Variants in ASGR2 observed in about 807,000 individuals in gnomAD.
ASGR2 encodes the protein asialoglycoprotein receptor 2, also known as C-type lectin domain family 4 member H2.
Under a neutral mutation model 32.3 loss-of-function variants are expected in ASGR2, and 34 were observed. The observed-to-expected ratio is 1.05, with a 90% confidence interval of 0.80 to 1.40. The LOEUF is 1.40. Among genes scored for constraint, ASGR2 ranks in the 40% most tolerant of loss-of-function variants. The pLI is 0.00. For missense variants in ASGR2, 385 were observed against 386.4 expected, an observed-to-expected ratio of 1.00 and a Z score of 0.03; for synonymous variants, 143 against 150.0, an observed-to-expected ratio of 0.95 and a Z score of 0.34.
In ASGR2 at chr17:7,101,459, T is replaced by G; in HGVS notation, c.*116A>C. The G allele has an allele frequency of 7.3e-7, 1 of 1,374,942 alleles. No homozygotes were observed. Among genetic ancestry groups the G allele is most frequent in the South Asian group, 1.5e-5 (1 of 67,694 alleles). 85.2% of individuals were successfully genotyped at this position (1,374,942 alleles called of 1,614,324 possible). ...TCTTAAACTACCTCCTTTCTCTCTT[T>G]GCTCAGCTCTTCCCCATACCCCTGT... is the stretch of plus-strand genomic sequence containing the variant. On this transcript the variant is annotated 3_prime_UTR_variant, in exon 9 of 9. Transcript: ENST00000691900.
chr17:7,115,082 TGACCAGGATCACAGC>T, upstream of ASGR2: 1 of 888,366 alleles, frequency 1.1e-6, no homozygotes, highest in Non-Finnish European at 1.3e-6. The surrounding 1 kb of genome is among the most constrained non-coding windows in gnomAD (Gnocchi z 4.2). Flanking sequence ...CAAATATCCC[TGACCAGGATCACAGC>T]GACCAGTTCT....
Position 7,107,281 on chromosome 17 carries a change from G to T in ASGR2, c.446C>A (p.Pro149His). ...GCAGGCCACGAAGCGCAGGTCCACG[G>T]GGAAGTGCTTCAGATGGAAGAGCAG... ...DALLFHLKHF[P>H]VDLRFVACQM... The change falls in exon 6 of 9, where the codon CCC (proline) becomes CAC (histidine). Residue 149 changes from proline (P) to histidine (H), a missense_variant. Pro to His is a moderately conservative substitution (Grantham distance 77, BLOSUM62 -2). Coordinates refer to ENST00000691900, the MANE Select transcript of ASGR2 (RefSeq NM_001201352.2). The surrounding 1 kb of genome is among the most constrained non-coding windows in gnomAD (Gnocchi z 5.0). 1.2e-6 allele frequency: 2 copies of T among 1,613,976 alleles called. No homozygotes were observed. The highest frequency in any genetic ancestry group is 1.7e-6 in the Non-Finnish European group (2 of 1,180,032).
chr17:7,106,883 G>A (rs561241462), intron 7 of ASGR2, 117 bp downstream of exon 7: 19 of 1,352,352 alleles, frequency 1.4e-5, no homozygotes, highest in African/African-American at 6.1e-5. Context: ...CAGCTTGGGC[G>A]ACAGAGCGAG....
At chr17:7,104,347 T>TCAAAAAAAAAAA (rs1913299348) in intron 7 of ASGR2, among the ~76,000 whole-genome samples, 1 of 37,346 alleles carries the variant, frequency 2.7e-5, no homozygotes, top group African/African-American at 1.1e-4. Flanking sequence ...AAACTCTGTC[T>TCAAAAAAAAAAA]TAAAAAAAAA....
At position 7,114,083 on chromosome 17, in the gene ASGR2, AGGG is replaced by A; in HGVS notation, c.124+31_124+33del. 6.2e-7 allele frequency: 1 copy of A among 1,613,116 alleles called. No individual in the cohort carries two copies. The highest frequency in any genetic ancestry group is 8.5e-7 in the Non-Finnish European group (1 of 1,179,564). On this transcript the variant is annotated intron_variant, in intron 2 of 8. Transcript: ENST00000691900. The surrounding 1 kb of genome is among the most constrained non-coding windows in gnomAD (Gnocchi z 4.5). ...ACAGAGCAATCATGAGCTGAGACAG[AGGG>A]GGAGCAAAGCCGCAGAAACTGCACA...
intron 8 of ASGR2, 85 bp from the exon 9 acceptor site, chr17:7,101,825 C>A: frequency 1.1e-5 from 16 of 1,522,712 alleles, no homozygotes; most frequent in Non-Finnish European, 1.4e-5. Context: ...GACCATTTTC[C>A]TTGAAGGCCG....
chr17:7,104,318 A>T (rs1913292169), intron 7 of ASGR2, among the ~76,000 whole-genome samples: 1 of 141,742 alleles, frequency 7.1e-6, no homozygotes, highest in South Asian at 2.4e-4. Flanking sequence ...ATTGCACTCC[A>T]GCCTGGTCAA....
chr17:7,113,812 A>G lies in ASGR2; in HGVS notation c.124+305T>C, dbSNP rs956309526. Among the ~76,000 whole-genome samples, 2 of 152,026 alleles carry G rather than the reference A, an allele frequency of 1.3e-5. No homozygotes were observed. The highest frequency in any genetic ancestry group is 4.8e-5 in the African/African-American group (2 of 41,404). On this transcript the variant is annotated intron_variant, in intron 2 of 8. Coordinates refer to ENST00000691900, the MANE Select transcript of ASGR2 (RefSeq NM_001201352.2). This position sits in a 1 kb window ranked among gnomAD's most constrained non-coding sequence, Gnocchi z 5.1. ...ACACAACATTCACTCACACACACAC[A>G]CAGAGTCCCAGCTGAATCTGCATTC... is the stretch of plus-strand genomic sequence containing the variant.
intron 7 of ASGR2, among the ~76,000 whole-genome samples, chr17:7,105,233 AC>A (rs150471554): frequency 0.085 from 12,938 of 152,208 alleles, 568 homozygotes; most frequent in African/African-American, 0.12. Flanking sequence ...AACACCTCTC[AC>A]ATAGCAATTG....
intron 7 of ASGR2, among the ~76,000 whole-genome samples, chr17:7,102,855 C>T (rs974084050): frequency 3.3e-5 from 5 of 152,134 alleles, no homozygotes; most frequent in Non-Finnish European, 5.9e-5. Flanking sequence ...ACAATCGGGG[C>T]AAAATAGGAA....
In ASGR2 at chr17:7,107,745, G is replaced by A. The variant is rs776373230; in HGVS notation, c.409+91C>T. ...CACACACACGCACGCACGCACACGT[G>A]CACACTACACACACCGCACACGTAC... On this transcript the variant is annotated intron_variant, in intron 5 of 8. Coordinates refer to ENST00000691900, the MANE Select transcript of ASGR2 (RefSeq NM_001201352.2). The surrounding 1 kb of genome is among the most constrained non-coding windows in gnomAD (Gnocchi z 5.0). 7.1e-6 allele frequency: 8 copies of A among 1,125,362 alleles called. No individual in the cohort carries two copies. Among genetic ancestry groups the A allele is most frequent in the South Asian group, 3.2e-5 (2 of 62,014 alleles). The allele number at this position is 1,125,362 out of a possible 1,614,324, so 69.7% of individuals were successfully genotyped here.
intron 2 of ASGR2, among the ~76,000 whole-genome samples, chr17:7,109,231 C>T (rs1914313209): frequency 1.3e-5 from 2 of 152,198 alleles, no homozygotes; most frequent in Admixed American, 6.5e-5. Flanking sequence ...CCCGGCCCTG[C>T]CTAGGCACAC....
chr17:7,106,387 G>A (rs1913691218), intron 7 of ASGR2, among the ~76,000 whole-genome samples: 1 of 152,208 alleles, frequency 6.6e-6, no homozygotes, highest in African/African-American at 2.4e-5. Flanking sequence ...AGCTTATTGT[G>A]TGCCAAATCA....
intron 7 of ASGR2, among the ~76,000 whole-genome samples, chr17:7,105,060 A>G (rs1264259800): frequency 6.6e-6 from 1 of 151,790 alleles, no homozygotes; most frequent in African/African-American, 2.4e-5. Flanking sequence ...TGGGAATAAG[A>G]GGTATCCTGG....
chr17:7,110,630 G>A (rs930484286), intron 2 of ASGR2, among the ~76,000 whole-genome samples: 5 of 152,180 alleles, frequency 3.3e-5, no homozygotes, highest in African/African-American at 9.7e-5. Context: ...GATCACAGTC[G>A]TAGCTACCCG....
chr17:7,108,475 T>G lies in ASGR2; in HGVS notation c.324A>C (p.Ala108=). The change falls in exon 4 of 9, where the codon GCA becomes GCC. Residue 108 remains alanine (A), a synonymous_variant. Transcript: ENST00000691900. This position sits in a 1 kb window ranked among gnomAD's most constrained non-coding sequence, Gnocchi z 4.9. ...CCAGCCCCTCACCGTGGGTGCTGAT[T>G]GCCTGGACCTCCGTCAGGGTGCTCG... ...FSSSTLTEVQ[A]ISTHGGSVGD... The G allele has an allele frequency of 1.9e-6, 3 of 1,605,118 alleles. No homozygotes were observed. Among genetic ancestry groups the G allele is most frequent in the Non-Finnish European group, 2.6e-6 (3 of 1,175,942 alleles).
At chr17:7,102,783 G>A (rs1349617758) in intron 7 of ASGR2, among the ~76,000 whole-genome samples, 1 of 152,112 alleles carries the variant, frequency 6.6e-6, no homozygotes, top group Non-Finnish European at 1.5e-5. Context: ...GTCAGGCCCG[G>A]GAGCTTCTAA....
At chr17:7,106,679 G>A (rs1480976729) in intron 7 of ASGR2, among the ~76,000 whole-genome samples, 1 of 152,066 alleles carries the variant, frequency 6.6e-6, no homozygotes, top group Non-Finnish European at 1.5e-5. Context: ...GGAGGTGGGC[G>A]GATCATGAGG....
intron 7 of ASGR2, among the ~76,000 whole-genome samples, chr17:7,105,806 T>TG (rs527696106): frequency 1.4e-5 from 2 of 139,762 alleles, no homozygotes; most frequent in African/African-American, 2.6e-5. Context: ...TTTTTTTTTT[T>TG]GAGTCAGAGT....
Sources: gnomAD v4.1 joint callset for allele counts (sites outside exome capture counted in the v4.1 genomes callset) on GRCh38, gnomAD v4.1.1 for gene constraint, Gnocchi (gnomAD v3.1) non-coding constraint, MANE v1.5 for transcripts, NCBI Gene and HGNC (gene_info 2026-07-23, HGNC 2026-07-21) for gene names.